The following ZBED4 variants were observed in gnomAD, a reference collection of about 807,000 sequenced individuals.
The protein encoded by ZBED4 is zinc finger BED domain-containing protein 4.
In ZBED4, 4 loss-of-function variants were observed where a neutral mutation model predicts 15.5. The observed-to-expected ratio is 0.26, with a 90% CI of 0.13 to 0.59. The LOEUF is 0.59. Among genes scored for constraint, ZBED4 ranks in the 20% least tolerant of loss-of-function variants. The pLI is 0.90. For missense variants in ZBED4, 1,323 were observed against 1,461.8 expected, an observed-to-expected ratio of 0.91 and a Z score of 1.55; for synonymous variants, 692 against 608.5, an observed-to-expected ratio of 1.14 and a Z score of -2.02.
At chr22:49,878,070 C>T (rs962573026) in intron 1 of ZBED4, among the ~76,000 whole-genome samples, 3 of 151,960 alleles carry the variant, frequency 2.0e-5, no homozygotes, top group Non-Finnish European at 2.9e-5. Flanking sequence ...TTTGGGAGGC[C>T]GAGATGGGCG....
intron 1 of ZBED4, among the ~76,000 whole-genome samples, chr22:49,876,200 A>G (rs557554456): frequency 6.6e-6 from 1 of 152,292 alleles, no homozygotes; most frequent in South Asian, 2.1e-4. Context: ...TGTCCAGAGA[A>G]GAGTCTGTCT....
In ZBED4 at chr22:49,885,331, A is replaced by G. The variant is rs1292451999; in HGVS notation, c.1669A>G (p.Ser557Gly). 2.5e-6 allele frequency: 4 copies of G among 1,592,194 alleles called. No individual in the cohort carries two copies. Among genetic ancestry groups the G allele is most frequent in the Non-Finnish European group, 3.4e-6 (4 of 1,167,710 alleles). ...KNNQVMFPVN[S>G]KKTSKLWNHF... Reference sequence around the variant, plus strand: ...CAATCAAGTTATGTTTCCTGTTAATAGCAAAAAGACCTCGAAGCTGTGGAA... The same window carrying G: ...CAATCAAGTTATGTTTCCTGTTAATGGCAAAAAGACCTCGAAGCTGTGGAA... Residue 557 changes from serine (S) to glycine (G), a missense_variant, in exon 2 of 2, where the codon AGC becomes GGC. Around this residue, in one of 6 missense-constraint regions of ZBED4, gnomAD observed 429 missense variants for 397.9 expected, o/e 1.08. Transcript: ENST00000216268.
chr22:49,865,143 T>C (rs1236982518), intron 1 of ZBED4, among the ~76,000 whole-genome samples: 1 of 152,052 alleles, frequency 6.6e-6, no homozygotes, highest in Non-Finnish European at 1.5e-5. Context: ...CAAACCCAGA[T>C]GGTATAACCT....
intron 1 of ZBED4, among the ~76,000 whole-genome samples, chr22:49,864,937 GCCC>G (rs1159525378): frequency 0.011 from 126 of 11,340 alleles, 17 homozygotes; most frequent in South Asian, 0.08. Flanking sequence ...ATCCCAGCAA[GCCC>G]CCCCCCCCCC....
intron 1 of ZBED4, among the ~76,000 whole-genome samples, chr22:49,877,432 C>T (rs2060383261): frequency 6.6e-6 from 1 of 152,032 alleles, no homozygotes; most frequent in Non-Finnish European, 1.5e-5. Flanking sequence ...GCTATTATTA[C>T]AGATATGTAC....
chr22:49,873,028 G>A (rs1301395721), intron 1 of ZBED4, among the ~76,000 whole-genome samples: 1 of 152,122 alleles, frequency 6.6e-6, no homozygotes, highest in Admixed American at 6.5e-5. Flanking sequence ...CTGGGGTTTT[G>A]CCATGTTGCC....
upstream of ZBED4, chr22:49,853,076 A>G (rs1188312013): frequency 6.6e-6 from 1 of 152,324 alleles, no homozygotes; most frequent in Non-Finnish European, 1.5e-5. Flanking sequence ...TCAGGCCGAG[A>G]AAATGCCGAA....
chr22:49,865,186 T>G (rs1009800555), intron 1 of ZBED4, among the ~76,000 whole-genome samples: 2 of 152,106 alleles, frequency 1.3e-5, no homozygotes, highest in African/African-American at 4.8e-5. Flanking sequence ...GCACAGCAGT[T>G]ACTACACTGA....
chr22:49,855,559 A>G (rs2060271737), intron 1 of ZBED4, among the ~76,000 whole-genome samples: 1 of 152,188 alleles, frequency 6.6e-6, no homozygotes, highest in Non-Finnish European at 1.5e-5. Flanking sequence ...AGAGGAGCTG[A>G]GAAGCAGCTT....
chr22:49,864,311 A>C (rs1242822090), intron 1 of ZBED4, among the ~76,000 whole-genome samples: 1 of 152,216 alleles, frequency 6.6e-6, no homozygotes, highest in Non-Finnish European at 1.5e-5. Flanking sequence ...TCTTGCTACA[A>C]ACATCACAAT....
chr22:49,869,465 C>T (rs1389557555), intron 1 of ZBED4, among the ~76,000 whole-genome samples: 3 of 152,300 alleles, frequency 2.0e-5, no homozygotes, highest in South Asian at 2.1e-4. Flanking sequence ...CTTAGAGACA[C>T]GTTCTGTGTT....
rs2060450564 is a variant in ZBED4 at position 49,888,245 on chromosome 22, A to AAAAG, written c.*1069_*1072dup. 1 of 167,048 alleles carries AAAAG rather than the reference A, an allele frequency of 6.0e-6. No homozygotes were observed. The highest frequency in any genetic ancestry group is 1.5e-5 in the Non-Finnish European group (1 of 68,124). The allele number at this position is 167,048 out of a possible 1,614,324, so 10.3% of individuals were successfully genotyped here. On this transcript the variant is annotated 3_prime_UTR_variant, in exon 2 of 2. Coordinates refer to ENST00000216268, the MANE Select transcript of ZBED4 (RefSeq NM_014838.3). The stretch of plus-strand genomic sequence containing the variant: ...TTTAAAAGTTATGTCTTCAGAGAAA[A>AAAAG]AAAGATTCATTTTCTCATTTTAAAC...
chr22:49,859,806 A>G (rs1451565535), intron 1 of ZBED4, among the ~76,000 whole-genome samples: 1 of 152,246 alleles, frequency 6.6e-6, no homozygotes, highest in African/African-American at 2.4e-5. Flanking sequence ...TGGGGAGACC[A>G]CTTGAGCTCA....
intron 1 of ZBED4, among the ~76,000 whole-genome samples, chr22:49,879,178 G>T (rs973082117): frequency 6.6e-6 from 1 of 150,740 alleles, no homozygotes; most frequent in Non-Finnish European, 1.5e-5. Context: ...AAACAGGAGT[G>T]AAGTGGCGCA....
chr22:49,868,811 T>C (rs936275587), intron 1 of ZBED4, among the ~76,000 whole-genome samples: 4 of 151,968 alleles, frequency 2.6e-5, no homozygotes, highest in Non-Finnish European at 5.9e-5. Flanking sequence ...CAGAGGTGGA[T>C]TGAAACGTCA....
At position 49,887,217 on chromosome 22, in the gene ZBED4, C is replaced by G. The variant is rs200371848; in HGVS notation, c.*39C>G. ...ACCACTAGGCCAGAGGCGTGGCTGC[C>G]CCAGCGTTAGCAGCCTGTACCAGGT... On this transcript the variant is annotated 3_prime_UTR_variant, in exon 2 of 2. Transcript: ENST00000216268. The G allele has an allele frequency of 5.1e-6, 8 of 1,565,410 alleles. No individual in the cohort carries two copies. Among genetic ancestry groups the G allele is most frequent in the Middle Eastern group, 1.8e-4 (1 of 5,710 alleles).
intron 1 of ZBED4, among the ~76,000 whole-genome samples, chr22:49,871,253 C>T (rs910572331): frequency 2.3e-5 from 3 of 132,422 alleles, no homozygotes; most frequent in Non-Finnish European, 3.3e-5. Flanking sequence ...CTTTGGGAGG[C>T]CAAGGCAGGT....
intron 1 of ZBED4, among the ~76,000 whole-genome samples, chr22:49,854,293 C>CGGGGCT (rs1412788830): frequency 6.6e-6 from 1 of 150,846 alleles, no homozygotes; most frequent in African/African-American, 2.4e-5. Flanking sequence ...GCGGACGGGA[C>CGGGGCT]GGGGCTCGGG....
intron 1 of ZBED4, among the ~76,000 whole-genome samples, chr22:49,862,006 A>G (rs1051537479): frequency 3.9e-5 from 6 of 152,228 alleles, no homozygotes; most frequent in Admixed American, 3.9e-4. Context: ...AACAGAGGGC[A>G]TTACTAAGCA....
Sources: gnomAD v4.1 joint callset for allele counts (sites outside exome capture counted in the v4.1 genomes callset) on GRCh38, gnomAD v4.1.1 for gene constraint, gnomAD v4.1.1 regional missense constraint, MANE v1.5 for transcripts, NCBI Gene and HGNC (gene_info 2026-07-23, HGNC 2026-07-21) for gene names.